UNC13C: variants seen among roughly 807,000 people sequenced by gnomAD.
The protein encoded by UNC13C is unc-13 homolog C, also known as protein unc-13 homolog C.
UNC13C carries 174 observed loss-of-function variants against 245.4 expected under a neutral mutation model. That is an observed-to-expected ratio of 0.71 (90% confidence interval 0.63 to 0.80). The LOEUF is 0.80. Ranked by LOEUF, UNC13C falls within the 30% of genes least tolerant of loss-of-function variation. The probability of loss-of-function intolerance (pLI) is 0.00; values close to 1 mark genes in which losing one functional copy is unlikely to be tolerated. For synonymous variants in UNC13C, 992 were observed against 895.1 expected (o/e 1.11, Z -1.93); for missense variants, 2,829 against 2,602.9 (o/e 1.09, Z -1.89).
intron 1 of UNC13C, among the ~76,000 whole-genome samples, chr15:54,011,792 C>A (rs961085679): frequency 6.6e-6 from 1 of 152,144 alleles, no homozygotes; most frequent in African/African-American, 2.4e-5. Context: ...TGGCTCCTGG[C>A]CAGAACATGT....
At chr15:53,848,673 A>G in the UNC13C span, among the ~76,000 whole-genome samples, 4 of 152,196 alleles carry the variant, frequency 2.6e-5, no homozygotes, top group East Asian at 3.9e-4. Flanking sequence ...GTGTGTTTCT[A>G]TTGATTTCTC....
chr15:53,864,707 C>T, the UNC13C span, among the ~76,000 whole-genome samples: 1 of 152,008 alleles, frequency 6.6e-6, no homozygotes, highest in Non-Finnish European at 1.5e-5. Flanking sequence ...TACAGATGTC[C>T]CTGAAGAAAT....
At chr15:54,560,576 C>T (rs191649111) in intron 29 of UNC13C, among the ~76,000 whole-genome samples, 16 of 151,930 alleles carry the variant, frequency 1.1e-4, no homozygotes, top group Non-Finnish European at 1.3e-4. Flanking sequence ...CCTACCCCCG[C>T]GGTGATAATA....
intron 26 of UNC13C, among the ~76,000 whole-genome samples, chr15:54,534,658 C>G (rs566744452): frequency 6.6e-6 from 1 of 152,026 alleles, no homozygotes; most frequent in Non-Finnish European, 1.5e-5. Flanking sequence ...AGGAGAAAGT[C>G]AAAAGCCAAT....
At chr15:54,435,706 C>T (rs1202521201) in intron 19 of UNC13C, among the ~76,000 whole-genome samples, 2 of 151,216 alleles carry the variant, frequency 1.3e-5, no homozygotes, top group African/African-American at 4.9e-5. Context: ...ACGTTAGGCA[C>T]ATGTATCCCA....
chr15:54,140,808 T>A (rs1595902246), intron 2 of UNC13C, among the ~76,000 whole-genome samples: 1 of 145,294 alleles, frequency 6.9e-6, no homozygotes, highest in South Asian at 2.2e-4. Context: ...GAGGGCACTG[T>A]GTGTCATTGG....
At chr15:54,169,965 C>G (rs1440370072) in intron 4 of UNC13C, among the ~76,000 whole-genome samples, 1 of 148,984 alleles carries the variant, frequency 6.7e-6, no homozygotes, top group African/African-American at 2.5e-5. Context: ...TTGTAAGCTT[C>G]ATATCAGCAA....
At chr15:54,214,828 A>G (rs2034990108) in intron 4 of UNC13C, among the ~76,000 whole-genome samples, 1 of 151,972 alleles carries the variant, frequency 6.6e-6, no homozygotes, top group African/African-American at 2.4e-5. Flanking sequence ...AAGGAACATT[A>G]ATGCACACGA....
intron 4 of UNC13C, among the ~76,000 whole-genome samples, chr15:54,204,361 A>C (rs969664725): frequency 6.6e-6 from 1 of 151,528 alleles, no homozygotes; most frequent in Non-Finnish European, 1.5e-5. Context: ...ACTGTCAATA[A>C]AGATAAATAT....
intron 4 of UNC13C, among the ~76,000 whole-genome samples, chr15:54,159,423 C>T (rs1170653396): frequency 6.6e-6 from 1 of 152,218 alleles, no homozygotes; most frequent in South Asian, 2.1e-4. Flanking sequence ...GCACCAAGTA[C>T]AAAAGCACTG....
intron 10 of UNC13C, among the ~76,000 whole-genome samples, chr15:54,279,029 T>A (rs549635395): frequency 2.0e-5 from 3 of 152,208 alleles, no homozygotes; most frequent in Non-Finnish European, 4.4e-5. Flanking sequence ...CATTCAGATG[T>A]TCATAAACAT....
chr15:54,161,775 AC>A (rs1401538978), intron 4 of UNC13C, among the ~76,000 whole-genome samples: 4 of 151,782 alleles, frequency 2.6e-5, no homozygotes, highest in African/African-American at 7.3e-5. Context: ...ACACAGAGAA[AC>A]CCTGTCTCTC....
chr15:53,864,640 T>G, the UNC13C span, among the ~76,000 whole-genome samples: 10 of 152,180 alleles, frequency 6.6e-5, no homozygotes, highest in Non-Finnish European at 1.2e-4. Flanking sequence ...ATTCTTTCCC[T>G]TTTTCATCAG....
At chr15:53,865,792 T>C in the UNC13C span, among the ~76,000 whole-genome samples, 26 of 152,110 alleles carry the variant, frequency 1.7e-4, no homozygotes, top group Admixed American at 4.6e-4. Flanking sequence ...AGTATATTTA[T>C]ATTTATTTTA....
At chr15:54,335,605 G>A (rs1430915128) in intron 16 of UNC13C, among the ~76,000 whole-genome samples, 1 of 152,052 alleles carries the variant, frequency 6.6e-6, no homozygotes, top group East Asian at 1.9e-4. Context: ...TTGCCTGTAG[G>A]TTTGCCTTTC....
intron 10 of UNC13C, among the ~76,000 whole-genome samples, chr15:54,284,629 A>G (rs1227618290): frequency 7.4e-6 from 1 of 135,126 alleles, no homozygotes. Context: ...ACACTTGTGC[A>G]CACACACACA....
the UNC13C span, among the ~76,000 whole-genome samples, chr15:53,858,271 A>G: frequency 2.0e-5 from 3 of 152,166 alleles, no homozygotes; most frequent in Non-Finnish European, 4.4e-5. Context: ...TATGCATTTT[A>G]AATGTTTGCT....
intron 20 of UNC13C, 68 bp downstream of exon 20, chr15:54,494,802 T>A: frequency 6.5e-7 from 1 of 1,539,420 alleles, no homozygotes; most frequent in Non-Finnish European, 8.9e-7. Flanking sequence ...TACACCTGAA[T>A]TGTGTACCAC....
intron 26 of UNC13C, among the ~76,000 whole-genome samples, chr15:54,533,953 T>A (rs995294202): frequency 1.3e-5 from 2 of 152,244 alleles, no homozygotes; most frequent in African/African-American, 4.8e-5. Flanking sequence ...CAGTGTCATA[T>A]ATGTTAGTTT....
Sources: allele counts gnomAD v4.1 joint callset (sites outside exome capture counted in the v4.1 genomes callset), GRCh38; gene constraint gnomAD v4.1.1; transcripts MANE v1.5; gene names NCBI Gene and HGNC (gene_info 2026-07-23, HGNC 2026-07-21).